Variants in PRKG1 observed in about 807,000 individuals in gnomAD.
PRKG1 encodes the protein cGMP-dependent protein kinase 1.
A neutral mutation model predicts 88.1 loss-of-function variants in PRKG1; 35 were observed. That is an observed-to-expected ratio of 0.40 (90% CI 0.30 to 0.53). The LOEUF (loss-of-function observed/expected upper bound fraction) is 0.53, where lower values mean the gene tolerates loss of function less well. PRKG1 is among the 20% of genes least tolerant of loss of function. The pLI is 0.59. For missense variants in PRKG1, 540 were observed against 839.8 expected (o/e 0.64, Z 4.41); for synonymous variants, 303 against 292.5 (o/e 1.04, Z -0.37).
intron 4 of PRKG1, among the ~76,000 whole-genome samples, chr10:51,891,277 A>G (rs986892990): frequency 2.0e-5 from 3 of 152,168 alleles, no homozygotes; most frequent in Admixed American, 1.3e-4. Flanking sequence ...AAATAAATAA[A>G]TAATACATAA....
intron 5 of PRKG1, among the ~76,000 whole-genome samples, chr10:51,954,800 T>C (rs888062133): frequency 6.6e-6 from 1 of 152,186 alleles, no homozygotes; most frequent in Non-Finnish European, 1.5e-5. Context: ...TGGTATTGCT[T>C]ATGGTTTCTT....
intron 3 of PRKG1, among the ~76,000 whole-genome samples, chr10:51,735,930 C>CTTTTTTTTTT (rs1180307253): frequency 1.3e-5 from 1 of 74,950 alleles, no homozygotes; most frequent in Non-Finnish European, 2.6e-5. Context: ...TTTAAGTTGT[C>CTTTTTTTTTT]TTTTTTTTTT....
At chr10:51,637,894 G>A (rs921338050) in intron 3 of PRKG1, among the ~76,000 whole-genome samples, 1 of 152,114 alleles carries the variant, frequency 6.6e-6, no homozygotes, top group Non-Finnish European at 1.5e-5. Context: ...TAACAAACCT[G>A]CACATCCTGC....
intron 9 of PRKG1, among the ~76,000 whole-genome samples, chr10:52,249,508 A>C (rs1841118164): frequency 6.6e-6 from 1 of 152,172 alleles, no homozygotes; most frequent in Admixed American, 6.5e-5. Context: ...GTAATGTGCA[A>C]CAAAAGGCTA....
At chr10:52,173,167 T>C (rs1838757257) in intron 9 of PRKG1, among the ~76,000 whole-genome samples, 2 of 152,216 alleles carry the variant, frequency 1.3e-5, no homozygotes, top group South Asian at 4.1e-4. Flanking sequence ...GTAACAAAGG[T>C]TACTTAAGTT....
chr10:52,004,959 T>A (rs2447642), intron 5 of PRKG1, among the ~76,000 whole-genome samples: 105,983 of 151,600 alleles, frequency 0.7, 37,137 homozygotes, highest in East Asian at 0.92. Flanking sequence ...TATGATTTTT[T>A]AAAAATTTAA....
At chr10:51,052,039 T>C (rs1442933502) in intron 1 of PRKG1, among the ~76,000 whole-genome samples, 3 of 152,206 alleles carry the variant, frequency 2.0e-5, no homozygotes, top group Admixed American at 1.3e-4. Flanking sequence ...TATGCTTATT[T>C]AAAATATATT....
At chr10:51,949,748 C>T (rs907359070) in intron 5 of PRKG1, among the ~76,000 whole-genome samples, 9 of 152,090 alleles carry the variant, frequency 5.9e-5, no homozygotes, top group Admixed American at 1.3e-4. Flanking sequence ...TCTCCAGGTT[C>T]GACTTACCTG....
At chr10:51,588,090 G>T (rs1162840350) in intron 3 of PRKG1, among the ~76,000 whole-genome samples, 1 of 152,162 alleles carries the variant, frequency 6.6e-6, no homozygotes, top group East Asian at 1.9e-4. Context: ...CCATATCCTG[G>T]AGGGACTGTC....
At chr10:51,114,121 T>A (rs1462092997) in intron 1 of PRKG1, among the ~76,000 whole-genome samples, 2 of 152,126 alleles carry the variant, frequency 1.3e-5, no homozygotes, top group African/African-American at 4.8e-5. Flanking sequence ...TCACTTCTGT[T>A]CCTTGTTGTC....
chr10:51,943,457 C>A (rs538622675), intron 5 of PRKG1, among the ~76,000 whole-genome samples: 1 of 152,034 alleles, frequency 6.6e-6, no homozygotes. Context: ...CCTTCTCCTG[C>A]CTAATTGCCC....
chr10:51,881,595 A>G (rs963375773), intron 4 of PRKG1, among the ~76,000 whole-genome samples: 1 of 152,230 alleles, frequency 6.6e-6, no homozygotes, highest in East Asian at 1.9e-4. Context: ...TAGAACTGGC[A>G]TAGCCATTCT....
At chr10:50,995,234 G>A (rs1052135670) in intron 1 of PRKG1, among the ~76,000 whole-genome samples, 1 of 152,184 alleles carries the variant, frequency 6.6e-6, no homozygotes, top group African/African-American at 2.4e-5. Flanking sequence ...ATTAACGACT[G>A]TAATCTAGTC....
chr10:51,126,082 A>G (rs1403919623), intron 1 of PRKG1, among the ~76,000 whole-genome samples: 4 of 119,314 alleles, frequency 3.4e-5, no homozygotes, highest in Admixed American at 2.0e-4. Context: ...ATATAATTAT[A>G]TAATTATATA....
chr10:51,839,095 C>T (rs1004699069), intron 4 of PRKG1, among the ~76,000 whole-genome samples: 4 of 152,172 alleles, frequency 2.6e-5, no homozygotes, highest in Non-Finnish European at 1.5e-5. Context: ...TAGAAACTGA[C>T]ATTTCAGGAC....
intron 5 of PRKG1, among the ~76,000 whole-genome samples, chr10:51,920,407 T>C (rs908884802): frequency 3.9e-5 from 6 of 152,168 alleles, no homozygotes; most frequent in Non-Finnish European, 5.9e-5. Flanking sequence ...TGTGAAGGCC[T>C]CTGATAGCCA....
At chr10:51,411,021 ATC>A (rs895536479) in intron 2 of PRKG1, among the ~76,000 whole-genome samples, 6 of 151,774 alleles carry the variant, frequency 4.0e-5, no homozygotes, top group African/African-American at 1.4e-4. Flanking sequence ...TTGAGATGGA[ATC>A]TCTCTCTGTC....
At chr10:51,305,671 G>A (rs1358230174) in intron 2 of PRKG1, among the ~76,000 whole-genome samples, 1 of 152,132 alleles carries the variant, frequency 6.6e-6, no homozygotes, top group African/African-American at 2.4e-5. Context: ...CTTCCTTATA[G>A]CCATGTGAAC....
chr10:51,832,643 A>C (rs1589332145), intron 4 of PRKG1, among the ~76,000 whole-genome samples: 1 of 152,200 alleles, frequency 6.6e-6, no homozygotes, highest in Non-Finnish European at 1.5e-5. Context: ...AATTAACAGG[A>C]GAAAAAGCAT....
Sources: gnomAD v4.1 joint callset for allele counts (sites outside exome capture counted in the v4.1 genomes callset) on GRCh38, gnomAD v4.1.1 for gene constraint, MANE v1.5 for transcripts, NCBI Gene and HGNC (gene_info 2026-07-23, HGNC 2026-07-21) for gene names.